IPCEF1: variants seen among roughly 807,000 people sequenced by gnomAD.
IPCEF1 encodes interaction protein for cytohesin exchange factors 1.
IPCEF1 carries 31 observed loss-of-function variants against 50.9 expected under a neutral mutation model. The observed-to-expected ratio is 0.61, with a 90% CI of 0.46 to 0.82. The LOEUF is 0.82. IPCEF1 is among the 40% of genes least tolerant of loss of function. The pLI, the probability that IPCEF1 is intolerant of heterozygous loss-of-function variation, is 0.00. For missense variants in IPCEF1, 458 were observed against 514.0 expected, an observed-to-expected ratio of 0.89 and a Z score of 1.05; for synonymous variants, 181 against 192.0, an observed-to-expected ratio of 0.94 and a Z score of 0.47.
chr6:154,214,278 T>TA lies in IPCEF1; in HGVS notation c.393-3dup. On this transcript the variant is annotated splice_polypyrimidine_tract_variant and splice_region_variant and intron_variant, in intron 7 of 11. Transcript: ENST00000367220. Reference sequence around the variant, plus strand: ...GCCGATCCAAGTTTATTTAACCACCTAAAATTCAAATAGAAAGCAAATGTT... The same window carrying TA: ...GCCGATCCAAGTTTATTTAACCACCTAAAAATTCAAATAGAAAGCAAATGTT... The TA allele has an allele frequency of 7.5e-6, 12 of 1,605,046 alleles. No homozygotes were observed. The highest frequency in any genetic ancestry group is 1.0e-5 in the Non-Finnish European group (12 of 1,171,788).
At chr6:154,281,895 G>T (rs62435675) in intron 2 of IPCEF1, among the ~76,000 whole-genome samples, 1 of 152,006 alleles carries the variant, frequency 6.6e-6, no homozygotes, top group African/African-American at 2.4e-5. Context: ...TCCCAGCTAC[G>T]TGGGAGGCTG....
At chr6:154,324,134 G>A (rs1417346986) in intron 1 of IPCEF1, among the ~76,000 whole-genome samples, 1 of 152,216 alleles carries the variant, frequency 6.6e-6, no homozygotes, top group East Asian at 1.9e-4. Flanking sequence ...TACACTGAAA[G>A]TCAGAATGTG....
intron 1 of IPCEF1, 76 bp downstream of exon 1, chr6:154,356,596 G>A (rs1784221339): frequency 6.6e-6 from 1 of 152,154 alleles, no homozygotes; most frequent in South Asian, 2.1e-4. Flanking sequence ...AGAGTGCTAG[G>A]GTATCCATTG....
chr6:154,215,767 C>T lies in IPCEF1; in HGVS notation c.393-1491G>A, dbSNP rs995791513. Among the ~76,000 whole-genome samples, 10 of 152,046 alleles carry T rather than the reference C, an allele frequency of 6.6e-5. No individual in the cohort carries two copies. The South Asian group carries it at 8.3e-4, about 13-fold the overall frequency. On this transcript the variant is annotated intron_variant, in intron 7 of 11. Transcript: ENST00000367220. ...ATTGGACCAATGAAGAGCCCAGATACGAAACAGGAACCCAAAAATGTATAT... is the reference window on the plus strand; with the variant it reads ...ATTGGACCAATGAAGAGCCCAGATATGAAACAGGAACCCAAAAATGTATAT...
At chr6:154,225,775 A>G (rs1779201152) in intron 5 of IPCEF1, among the ~76,000 whole-genome samples, 1 of 152,228 alleles carries the variant, frequency 6.6e-6, no homozygotes, top group Non-Finnish European at 1.5e-5. Context: ...TTAAGAATCT[A>G]TGTTAGGCTA....
intron 2 of IPCEF1, among the ~76,000 whole-genome samples, chr6:154,270,566 C>T (rs898823214): frequency 6.6e-6 from 1 of 152,090 alleles, no homozygotes; most frequent in African/African-American, 2.4e-5. Context: ...TGTAGTATAT[C>T]ATATTAATGC....
chr6:154,294,533 G>A (rs1583956899), intron 1 of IPCEF1, among the ~76,000 whole-genome samples: 1 of 152,134 alleles, frequency 6.6e-6, no homozygotes, highest in Admixed American at 6.6e-5. Flanking sequence ...CGACTGGCCT[G>A]TGCACAGGGA....
intron 1 of IPCEF1, among the ~76,000 whole-genome samples, chr6:154,353,371 T>A (rs546797259): frequency 2.1e-5 from 3 of 146,120 alleles, no homozygotes; most frequent in South Asian, 4.6e-4. Context: ...CTCGGCTCAC[T>A]GCGCCTCCCG....
At chr6:154,276,929 C>A (rs1175241809) in intron 2 of IPCEF1, among the ~76,000 whole-genome samples, 1 of 152,132 alleles carries the variant, frequency 6.6e-6, no homozygotes, top group Non-Finnish European at 1.5e-5. Context: ...TCAGAGGGAC[C>A]TTCGGTGACT....
rs1301879776 is a variant in IPCEF1 at position 154,180,412 on chromosome 6, A to ATTT, written c.911-12300_911-12299insAAA. On this transcript the variant is annotated intron_variant, in intron 10 of 11. Transcript: ENST00000367220. The stretch of plus-strand genomic sequence containing the variant: ...TATATATATATATATATATATATAT[A>ATTT]TATTTTTTTTTTAAACATGATCCTT... 7.4e-3 allele frequency among the ~76,000 whole-genome samples: 375 copies of ATTT among 50,734 alleles called. 3 individuals carry two copies. The highest frequency in any genetic ancestry group is 0.024 in the African/African-American group (293 of 12,378). The allele number at this position is 50,734 out of a possible 152,430, so 33.3% of individuals were successfully genotyped here.
At chr6:154,178,014 T>C (rs769695778) in intron 10 of IPCEF1, among the ~76,000 whole-genome samples, 26 of 152,014 alleles carry the variant, frequency 1.7e-4, no homozygotes, top group African/African-American at 5.8e-4. Flanking sequence ...CTGGAAACCA[T>C]CATTCTCAGC....
chr6:154,354,450 C>CACCTCCACCATCTCCTCCACCACA (rs1784176074), intron 1 of IPCEF1, among the ~76,000 whole-genome samples: 1 of 151,728 alleles, frequency 6.6e-6, no homozygotes. Flanking sequence ...CCTCCACCAC[C>CACCTCCACCATCTCCTCCACCACA]ACCTCCACCA....
At chr6:154,317,542 C>A in intron 1 of IPCEF1, among the ~76,000 whole-genome samples, 1 of 89,594 alleles carries the variant, frequency 1.1e-5, no homozygotes, top group African/African-American at 4.1e-5. Flanking sequence ...GTGAGAGACT[C>A]CATCTCAAAA....
At chr6:154,333,417 C>T (rs140683637) in intron 1 of IPCEF1, among the ~76,000 whole-genome samples, 3,684 of 152,026 alleles carry the variant, frequency 0.024, 111 homozygotes, top group African/African-American at 0.072. Context: ...CTGGATGCTT[C>T]CTGCCCCTGA....
intron 2 of IPCEF1, among the ~76,000 whole-genome samples, chr6:154,271,365 A>C (rs1583929200): frequency 6.6e-6 from 1 of 152,102 alleles, no homozygotes; most frequent in East Asian, 1.9e-4. Context: ...TTAAAGAAAA[A>C]AAAAATCATA....
intron 11 of IPCEF1, among the ~76,000 whole-genome samples, chr6:154,167,149 GAATCTATCA>G (rs1468481227): frequency 6.6e-6 from 1 of 152,176 alleles, no homozygotes; most frequent in Non-Finnish European, 1.5e-5. Flanking sequence ...TTCACTTACA[GAATCTATCA>G]AAGCTTTTCA....
intron 2 of IPCEF1, among the ~76,000 whole-genome samples, chr6:154,288,676 C>CAAAAAAAAAAAAAAAAAAAAAAAA (rs558703057): frequency 1.1e-4 from 5 of 46,870 alleles, no homozygotes; most frequent in Non-Finnish European, 1.5e-4. Flanking sequence ...ACAAAAAAAA[C>CAAAAAAAAAAAAAAAAAAAAAAAA]AAAAAAAAAA....
At chr6:154,192,322 G>GTGTT (rs761360517) in intron 10 of IPCEF1, among the ~76,000 whole-genome samples, 83 of 119,752 alleles carry the variant, frequency 6.9e-4, no homozygotes, top group South Asian at 3.6e-3. Context: ...TGGTTACTGT[G>GTGTT]TGTGTGTGTG....
At chr6:154,173,070 G>T (rs1800007546) in intron 10 of IPCEF1, among the ~76,000 whole-genome samples, 1 of 152,242 alleles carries the variant, frequency 6.6e-6, no homozygotes, top group Non-Finnish European at 1.5e-5. Context: ...ACGTGCAGCT[G>T]AGGGTCCTGT....
Sources: allele counts gnomAD v4.1 joint callset (sites outside exome capture counted in the v4.1 genomes callset), GRCh38; gene constraint gnomAD v4.1.1; transcripts MANE v1.5; gene names NCBI Gene and HGNC (gene_info 2026-07-23, HGNC 2026-07-21).